TMEM108: variants seen among roughly 807,000 people sequenced by gnomAD.
TMEM108 encodes the protein cancer/testis antigen 124.
Under a neutral mutation model 35.1 loss-of-function variants are expected in TMEM108, and 12 were observed. That is an observed-to-expected ratio of 0.34 (90% CI 0.22 to 0.55). The LOEUF is 0.55. Ranked by LOEUF, TMEM108 falls within the 20% of genes least tolerant of loss-of-function variation. The pLI, the probability that TMEM108 is intolerant of heterozygous loss-of-function variation, is 0.89. For missense variants in TMEM108, 680 were observed against 753.3 expected (o/e 0.90, Z 1.14); for synonymous variants, 287 against 308.6 (o/e 0.93, Z 0.73).
At chr3:133,351,467 TG>T (rs957536054) in intron 3 of TMEM108, among the ~76,000 whole-genome samples, 1 of 152,134 alleles carries the variant, frequency 6.6e-6, no homozygotes, top group African/African-American at 2.4e-5. Context: ...ATAGAGACTG[TG>T]GAACATGAAG....
intron 2 of TMEM108, among the ~76,000 whole-genome samples, chr3:133,121,528 C>T (rs976286768): frequency 3.3e-5 from 5 of 152,192 alleles, no homozygotes; most frequent in Admixed American, 6.5e-5. Context: ...TTCGTTCTTT[C>T]ATCCTATGTA....
At chr3:133,040,634 A>T (rs552351923) in intron 1 of TMEM108, among the ~76,000 whole-genome samples, 3 of 152,178 alleles carry the variant, frequency 2.0e-5, no homozygotes, top group Non-Finnish European at 4.4e-5. Context: ...CGCAAAGGGT[A>T]TGCATTGTTT....
chr3:133,195,687 T>G (rs754010792), intron 2 of TMEM108, among the ~76,000 whole-genome samples: 1 of 152,176 alleles, frequency 6.6e-6, no homozygotes, highest in African/African-American at 2.4e-5. Context: ...ATGAATGGAT[T>G]AATATGAATA....
intron 2 of TMEM108, among the ~76,000 whole-genome samples, chr3:133,147,593 T>C (rs1944740151): frequency 6.6e-6 from 1 of 152,192 alleles, no homozygotes; most frequent in African/African-American, 2.4e-5. Flanking sequence ...GTTTGTTTTT[T>C]GCTTGTAGTA....
At chr3:133,386,629 TC>T in intron 4 of TMEM108, 1 of 1,425,114 alleles carries the variant, frequency 7.0e-7, no homozygotes, top group Non-Finnish European at 9.1e-7. Flanking sequence ...CATGACCTCC[TC>T]CAGAGTCTTG....
At chr3:133,165,803 G>A (rs987410785) in intron 2 of TMEM108, among the ~76,000 whole-genome samples, 8 of 152,212 alleles carry the variant, frequency 5.3e-5, no homozygotes, top group Non-Finnish European at 7.3e-5. Flanking sequence ...GAATATTCAT[G>A]AAGGTGGTCC....
chr3:133,172,659 A>G (rs768467652), intron 2 of TMEM108, among the ~76,000 whole-genome samples: 1 of 152,210 alleles, frequency 6.6e-6, no homozygotes, highest in Non-Finnish European at 1.5e-5. Context: ...TTAACTTATA[A>G]TACACAATTT....
chr3:133,143,459 T>C (rs556203224), intron 2 of TMEM108, among the ~76,000 whole-genome samples: 89 of 152,314 alleles, frequency 5.8e-4, no homozygotes, highest in Admixed American at 2.0e-3. Flanking sequence ...TATAGGTCAT[T>C]TTCAATTGCA....
At chr3:133,118,459 G>A (rs78223804) in intron 2 of TMEM108, among the ~76,000 whole-genome samples, 4,689 of 152,206 alleles carry the variant, frequency 0.031, 132 homozygotes, top group South Asian at 0.064. Context: ...GGTAGTTTAA[G>A]CATTTGTCTT....
chr3:133,084,686 G>A (rs969195520), intron 2 of TMEM108, among the ~76,000 whole-genome samples: 1 of 152,126 alleles, frequency 6.6e-6, no homozygotes, highest in Non-Finnish European at 1.5e-5. Flanking sequence ...CATATATTAC[G>A]TCATTACTAT....
intron 5 of TMEM108, among the ~76,000 whole-genome samples, chr3:133,390,714 C>G (rs981873548): frequency 6.9e-6 from 1 of 143,930 alleles, no homozygotes; most frequent in Non-Finnish European, 1.5e-5. Flanking sequence ...ACCCCAACAT[C>G]ACCCAAAAAC....
At chr3:133,291,406 G>A (rs757602301) in intron 3 of TMEM108, among the ~76,000 whole-genome samples, 8 of 151,976 alleles carry the variant, frequency 5.3e-5, no homozygotes, top group East Asian at 1.9e-4. Flanking sequence ...TCAGCCTCCC[G>A]TGTAGCTGGG....
At chr3:133,206,866 T>G (rs949418820) in intron 2 of TMEM108, among the ~76,000 whole-genome samples, 2 of 152,226 alleles carry the variant, frequency 1.3e-5, no homozygotes, top group African/African-American at 4.8e-5. Context: ...AGAGCTGGCA[T>G]GTAGGAACAC....
At chr3:133,322,020 A>C (rs1299627062) in intron 3 of TMEM108, among the ~76,000 whole-genome samples, 1 of 152,212 alleles carries the variant, frequency 6.6e-6, no homozygotes, top group Non-Finnish European at 1.5e-5. Flanking sequence ...TCTGGGTCAC[A>C]GGAAAAGTGG....
At chr3:133,279,659 G>A (rs79911764) in intron 3 of TMEM108, among the ~76,000 whole-genome samples, 238 of 152,322 alleles carry the variant, frequency 1.6e-3, no homozygotes, top group African/African-American at 5.3e-3. Flanking sequence ...GGACATGGTA[G>A]ATGGCTGCCT....
At chr3:133,084,013 G>T (rs1943848725) in intron 2 of TMEM108, among the ~76,000 whole-genome samples, 1 of 151,986 alleles carries the variant, frequency 6.6e-6, no homozygotes, top group East Asian at 1.9e-4. Context: ...CAGAGATAAG[G>T]CATCCAAGGG....
intron 2 of TMEM108, among the ~76,000 whole-genome samples, chr3:133,214,654 G>C (rs1045982898): frequency 2.0e-5 from 3 of 152,172 alleles, no homozygotes. Context: ...ATTCATGTTA[G>C]TTACGTTATA....
intron 2 of TMEM108, among the ~76,000 whole-genome samples, chr3:133,163,449 C>T (rs1275462217): frequency 4.6e-5 from 7 of 152,072 alleles, no homozygotes; most frequent in Non-Finnish European, 8.8e-5. Flanking sequence ...TCCTTATATA[C>T]CATAGGGGTC....
chr3:133,165,055 A>T (rs776542746), intron 2 of TMEM108, among the ~76,000 whole-genome samples: 5 of 152,242 alleles, frequency 3.3e-5, no homozygotes, highest in Non-Finnish European at 7.3e-5. Context: ...AATAAATTAT[A>T]TGAAATGCCA....
Sources: gnomAD v4.1 joint callset for allele counts (sites outside exome capture counted in the v4.1 genomes callset) on GRCh38, gnomAD v4.1.1 for gene constraint, MANE v1.5 for transcripts, NCBI Gene and HGNC (gene_info 2026-07-23, HGNC 2026-07-21) for gene names.